The following POU2AF2 variants were observed in gnomAD, a reference collection of about 807,000 sequenced individuals.
POU2AF2 encodes POU class 2 homeobox associating factor 2.
the POU2AF2 span, among the ~76,000 whole-genome samples, chr11:111,261,738 T>C: frequency 6.6e-6 from 1 of 152,184 alleles, no homozygotes; most frequent in Non-Finnish European, 1.5e-5. Flanking sequence ...GTAACAGCTC[T>C]TTTGCTCGGC....
chr11:111,280,053 A>T, the POU2AF2 span, among the ~76,000 whole-genome samples: 189 of 61,792 alleles, frequency 3.1e-3, 1 homozygote, highest in South Asian at 0.044. Flanking sequence ...AAAAAAAAAA[A>T]AAAAATATAT....
the POU2AF2 span, among the ~76,000 whole-genome samples, chr11:111,265,637 C>G: frequency 6.6e-6 from 1 of 152,022 alleles, no homozygotes; most frequent in Non-Finnish European, 1.5e-5. Context: ...CATATGGCAG[C>G]TTTTATGGTT....
the POU2AF2 span, among the ~76,000 whole-genome samples, chr11:111,279,023 C>G: frequency 6.6e-6 from 1 of 152,220 alleles, no homozygotes; most frequent in Admixed American, 6.5e-5. Context: ...ATTAAAGTCA[C>G]TGCAAAAGAG....
At chr11:111,268,492 ATTTT>A in the POU2AF2 span, among the ~76,000 whole-genome samples, 1 of 30,746 alleles carries the variant, frequency 3.3e-5, no homozygotes, top group South Asian at 2.5e-3. Context: ...ATTTTATTTT[ATTTT>A]ATTTTATTTT....
chr11:111,262,231 C>T, the POU2AF2 span, among the ~76,000 whole-genome samples: 3 of 152,140 alleles, frequency 2.0e-5, no homozygotes, highest in African/African-American at 4.8e-5. Context: ...GACAATAGTA[C>T]GTATTTGATG....
At chr11:111,264,572 GA>G in the POU2AF2 span, among the ~76,000 whole-genome samples, 25 of 26,320 alleles carry the variant, frequency 9.5e-4, 3 homozygotes, top group Non-Finnish European at 1.6e-3. Flanking sequence ...AAGAAAGAAA[GA>G]AAGGGAGAGA....
At chr11:111,263,766 T>C in the POU2AF2 span, among the ~76,000 whole-genome samples, 1 of 152,130 alleles carries the variant, frequency 6.6e-6, no homozygotes, top group African/African-American at 2.4e-5. Context: ...AAACACAGCA[T>C]AGCGAAGAGT....
the POU2AF2 span, among the ~76,000 whole-genome samples, chr11:111,248,118 C>T: frequency 1.3e-5 from 2 of 152,076 alleles, no homozygotes; most frequent in African/African-American, 4.8e-5. Context: ...GATCTCCTGA[C>T]CTTGTGATCC....
At chr11:111,246,422 A>G in the POU2AF2 span, among the ~76,000 whole-genome samples, 1 of 152,236 alleles carries the variant, frequency 6.6e-6, no homozygotes, top group Non-Finnish European at 1.5e-5. Flanking sequence ...ATCCTGAGAT[A>G]CAAATGTGAA....
the POU2AF2 span, chr11:111,285,881 C>T: frequency 1.2e-6 from 2 of 1,611,484 alleles, no homozygotes; most frequent in South Asian, 1.1e-5. Context: ...CCCTACCCCG[C>T]CTCCTTACCC....
chr11:111,260,958 G>A, the POU2AF2 span, among the ~76,000 whole-genome samples: 1 of 152,210 alleles, frequency 6.6e-6, no homozygotes, highest in Non-Finnish European at 1.5e-5. Flanking sequence ...CATCTTTACC[G>A]CAGCTTCCCT....
At chr11:111,261,767 T>C in the POU2AF2 span, among the ~76,000 whole-genome samples, 1 of 152,168 alleles carries the variant, frequency 6.6e-6, no homozygotes, top group South Asian at 2.1e-4. Context: ...CAAAATGCTA[T>C]AGCCAGGAAC....
chr11:111,268,037 C>A, the POU2AF2 span, among the ~76,000 whole-genome samples: 1 of 152,140 alleles, frequency 6.6e-6, no homozygotes, highest in Middle Eastern at 3.4e-3. Context: ...AATGAAAATG[C>A]CAAAAGAAGA....
chr11:111,273,734 C>G, the POU2AF2 span, among the ~76,000 whole-genome samples: 12 of 152,266 alleles, frequency 7.9e-5, no homozygotes, highest in African/African-American at 2.9e-4. Flanking sequence ...TAAATGTACT[C>G]AAGGGAAACT....
the POU2AF2 span, among the ~76,000 whole-genome samples, chr11:111,252,061 ATTAAAAAGCACT>A: frequency 2.0e-5 from 3 of 152,254 alleles, no homozygotes; most frequent in African/African-American, 7.2e-5. Flanking sequence ...AAAATCATCA[ATTAAAAAGCACT>A]TTAAAAAGCA....
the POU2AF2 span, among the ~76,000 whole-genome samples, chr11:111,265,719 G>A: frequency 4.6e-5 from 7 of 152,182 alleles, no homozygotes; most frequent in East Asian, 5.8e-4. Flanking sequence ...AGGTAGATAG[G>A]CACTGGATTA....
the POU2AF2 span, among the ~76,000 whole-genome samples, chr11:111,285,098 G>C: frequency 6.6e-6 from 1 of 152,148 alleles, no homozygotes; most frequent in African/African-American, 2.4e-5. Flanking sequence ...TTACAGATGA[G>C]CAATGTCGGG....
the POU2AF2 span, among the ~76,000 whole-genome samples, chr11:111,253,331 C>T: frequency 2.0e-5 from 3 of 152,172 alleles, no homozygotes; most frequent in African/African-American, 7.2e-5. Flanking sequence ...GCCAGGTGCT[C>T]ATTATTCTTT....
chr11:111,258,401 TGTGTAACTC>T, the POU2AF2 span, among the ~76,000 whole-genome samples: 1 of 152,132 alleles, frequency 6.6e-6, no homozygotes, highest in Non-Finnish European at 1.5e-5. Flanking sequence ...GGTGAATGAG[TGTGTAACTC>T]ACACCTTGTA....
Sources: allele counts gnomAD v4.1 joint callset (sites outside exome capture counted in the v4.1 genomes callset), GRCh38; gene constraint gnomAD v4.1.1; transcripts MANE v1.5; gene names NCBI Gene and HGNC (gene_info 2026-07-23, HGNC 2026-07-21).